The following DECR1 variants were observed in gnomAD, a reference collection of about 807,000 sequenced individuals.
The protein encoded by DECR1 is 2,4-dienoyl-CoA reductase [(3E)-enoyl-CoA-producing], mitochondrial.
Under a neutral mutation model 38.8 loss-of-function variants are expected in DECR1, and 44 were observed. The observed-to-expected ratio is 1.13, with a 90% CI of 0.89 to 1.46. The LOEUF (loss-of-function observed/expected upper bound fraction) is 1.46. Among genes scored for constraint, DECR1 ranks in the 40% most tolerant of loss-of-function variants. The probability of loss-of-function intolerance (pLI) is 0.00; values close to 1 mark genes in which losing one functional copy is unlikely to be tolerated. For synonymous variants in DECR1, 148 were observed against 135.2 expected (o/e 1.09, Z -0.66); for missense variants, 428 against 405.5 (o/e 1.06, Z -0.48).
rs1814110998 is a variant in DECR1 at position 90,051,986 on chromosome 8, A to T, written c.*89A>T. ...TCTTTTGACTATTTCAAGTCTAATA[A>T]ATTCTTAATTAACAAACATTCATTG... On this transcript the variant is annotated 3_prime_UTR_variant, in exon 10 of 10. Transcript: ENST00000220764. 1 of 1,146,718 alleles carries T rather than the reference A, an allele frequency of 8.7e-7. No individual in the cohort carries two copies. Among genetic ancestry groups the T allele is most frequent in the Middle Eastern group, 2.1e-4 (1 of 4,866 alleles). 71.0% of individuals were successfully genotyped at this position (1,146,718 alleles called of 1,614,324 possible).
intron 5 of DECR1, among the ~76,000 whole-genome samples, chr8:90,033,560 T>A (rs1328086330): frequency 6.6e-6 from 1 of 152,156 alleles, no homozygotes; most frequent in African/African-American, 2.4e-5. Flanking sequence ...TTCATTTTTT[T>A]GAAGCCGATA....
At chr8:90,008,458 A>C (rs1329069836) in intron 1 of DECR1, among the ~76,000 whole-genome samples, 2 of 152,150 alleles carry the variant, frequency 1.3e-5, no homozygotes, top group Non-Finnish European at 2.9e-5. Flanking sequence ...TTTAAATCTT[A>C]ATTTTTCTAG....
At chr8:90,016,806 C>T (rs1813020129) in intron 1 of DECR1, 2 of 312,460 alleles carry the variant, frequency 6.4e-6, no homozygotes, top group East Asian at 1.7e-4. Context: ...ATATAATCCT[C>T]ACAATGCCAT....
intron 1 of DECR1, among the ~76,000 whole-genome samples, chr8:90,009,412 A>G (rs1021433623): frequency 3.3e-5 from 5 of 152,002 alleles, no homozygotes; most frequent in African/African-American, 1.2e-4. Context: ...CACACTACAT[A>G]TCAACTTTTA....
intron 6 of DECR1, among the ~76,000 whole-genome samples, chr8:90,041,694 AC>A (rs1405761332): frequency 6.6e-6 from 1 of 152,098 alleles, no homozygotes; most frequent in Non-Finnish European, 1.5e-5. Context: ...GATTAGGCTT[AC>A]CTTTTTTGTA....
chr8:90,047,832 G>C (rs1813951844), intron 8 of DECR1, among the ~76,000 whole-genome samples: 1 of 152,174 alleles, frequency 6.6e-6, no homozygotes, highest in Non-Finnish European at 1.5e-5. Flanking sequence ...ATAACAAACT[G>C]TCTCTCAGAC....
chr8:90,021,328 GA>G (rs1813157143), intron 5 of DECR1, among the ~76,000 whole-genome samples: 1 of 152,204 alleles, frequency 6.6e-6, no homozygotes, highest in Admixed American at 6.5e-5. Context: ...AACTTAAGCT[GA>G]AAGTTCAAAG....
rs544641559 is a variant in DECR1 at position 90,026,996 on chromosome 8, G to A, written c.565+5940G>A. Among the ~76,000 whole-genome samples, 19 of 152,316 alleles carry A rather than the reference G, an allele frequency of 1.2e-4. No homozygotes were observed. The South Asian group carries it at 3.9e-3, about 32-fold the overall frequency. ...CGTTATGTACCCAGTAGTCATTCAG[G>A]AACAGATTGTTCAGTTTCCATGTAG... On this transcript the variant is annotated intron_variant, in intron 5 of 9. Coordinates refer to ENST00000220764, the MANE Select transcript of DECR1 (RefSeq NM_001359.2).
chr8:90,052,092 TAA>T lies in DECR1; in HGVS notation c.*207_*208del, dbSNP rs376370571. 3,085 of 401,466 alleles carry T rather than the reference TAA, an allele frequency of 7.7e-3. No individual in the cohort carries two copies. Among genetic ancestry groups the T allele is most frequent in the East Asian group, 0.019 (461 of 24,612 alleles). The allele number at this position is 401,466 out of a possible 1,614,324, so 24.9% of individuals were successfully genotyped here. A position where few individuals can be genotyped will look rare whatever the true frequency, so the allele number is the denominator to read the frequency against. On this transcript the variant is annotated 3_prime_UTR_variant, in exon 10 of 10. Coordinates refer to ENST00000220764, the MANE Select transcript of DECR1 (RefSeq NM_001359.2). The stretch of plus-strand genomic sequence containing the variant: ...AATGAAATATAGTCCTTCAAAACAT[TAA>T]AAAAAAAAAAAGGAGGCATGGGGAG...
chr8:90,046,704 CT>C (rs1813914160), intron 8 of DECR1, among the ~76,000 whole-genome samples: 1 of 152,120 alleles, frequency 6.6e-6, no homozygotes, highest in African/African-American at 2.4e-5. Context: ...AAGATACTCC[CT>C]GAGAAGAGCA....
chr8:90,012,961 T>C (rs1341529257), intron 1 of DECR1, among the ~76,000 whole-genome samples: 1 of 152,182 alleles, frequency 6.6e-6, no homozygotes, highest in African/African-American at 2.4e-5. Flanking sequence ...TGGCAAGTTT[T>C]TGGAATTGTG....
At chr8:90,051,571 A>T in intron 8 of DECR1, 106 bp from the exon 9 acceptor site, 1 of 812,192 alleles carries the variant, frequency 1.2e-6, no homozygotes, top group Non-Finnish European at 2.0e-6. Flanking sequence ...GCTTGATTTA[A>T]AGTGCCAAAG....
intron 4 of DECR1, 92 bp downstream of exon 4, chr8:90,019,264 A>G (rs1813089929): frequency 9.1e-7 from 1 of 1,095,402 alleles, no homozygotes; most frequent in Non-Finnish European, 1.4e-6. Context: ...ATTGATACTG[A>G]TGTAGGACAG....
At chr8:90,024,032 A>G (rs1813234496) in intron 5 of DECR1, among the ~76,000 whole-genome samples, 1 of 152,144 alleles carries the variant, frequency 6.6e-6, no homozygotes, top group Non-Finnish European at 1.5e-5. Flanking sequence ...CCATATCCCT[A>G]CAAAGGACAT....
intron 5 of DECR1, among the ~76,000 whole-genome samples, chr8:90,028,660 A>G (rs915279302): frequency 6.6e-6 from 1 of 151,794 alleles, no homozygotes; most frequent in East Asian, 1.9e-4. Context: ...TTTTAACCAA[A>G]TTTTCACTTA....
rs1003590320 is a variant in DECR1 at position 90,052,666 on chromosome 8, G to C, written c.*769G>C. Among the ~76,000 whole-genome samples the C allele has an allele frequency of 6.6e-6, 1 of 151,990 alleles. No homozygotes were observed. The highest frequency in any genetic ancestry group is 2.4e-5 in the African/African-American group (1 of 41,394). On this transcript the variant is annotated 3_prime_UTR_variant, in exon 10 of 10. Transcript: ENST00000220764. ...AGAATAGATTTCTCTGGGTAAAAGA[G>C]GTAAAGAAAGCCTATAAAATATTTT...
intron 1 of DECR1, 112 bp downstream of exon 1, chr8:90,001,673 AAG>A (rs1172428663): frequency 1.1e-6 from 1 of 946,150 alleles, no homozygotes; most frequent in Non-Finnish European, 1.5e-6. Context: ...CTGGGGCGCA[AAG>A]AGAGAGGACA....
At chr8:90,015,079 C>G (rs1235966440) in intron 1 of DECR1, among the ~76,000 whole-genome samples, 1 of 152,000 alleles carries the variant, frequency 6.6e-6, no homozygotes, top group African/African-American at 2.4e-5. Context: ...TTTTGTCTTT[C>G]AGTAACTTTT....
Position 90,018,980 on chromosome 8 carries a change from C to A in DECR1, c.330+14C>A, listed in dbSNP as rs1170814863. The A allele has an allele frequency of 6.3e-6, 10 of 1,586,488 alleles. No individual in the cohort carries two copies. In the East Asian group the frequency reaches 1.8e-4, roughly 29 times the overall value. The stretch of plus-strand genomic sequence containing the variant: ...ACTGGAAATAAGGTACATTAAAAAT[C>A]AGTTATTTAATTTAGATTTAGGAAT... On this transcript the variant is annotated intron_variant, in intron 3 of 9. Coordinates refer to ENST00000220764, the MANE Select transcript of DECR1 (RefSeq NM_001359.2).
Sources: allele counts gnomAD v4.1 joint callset (sites outside exome capture counted in the v4.1 genomes callset), GRCh38; gene constraint gnomAD v4.1.1; transcripts MANE v1.5; gene names NCBI Gene and HGNC (gene_info 2026-07-23, HGNC 2026-07-21).